Variants in SACS observed in about 807,000 individuals in gnomAD.
SACS encodes the protein sacsin.
A neutral mutation model predicts 348.0 loss-of-function variants in SACS; 197 were observed. The ratio of observed to expected loss-of-function variants is 0.57; its 90% confidence interval spans 0.50 to 0.64. SACS has a LOEUF of 0.64. SACS is among the 30% of genes least tolerant of loss of function. SACS has a pLI of 0.00. For synonymous variants in SACS, 1,985 were observed against 1,910.6 expected (o/e 1.04, Z -1.02); for missense variants, 4,999 against 5,360.8 (o/e 0.93, Z 2.11).
chr13:23,333,406 A>G lies in SACS; in HGVS notation c.10470T>C (p.Tyr3490=), dbSNP rs755590920. The change falls in exon 10 of 10, where the codon TAT becomes TAC. Residue 3490 remains tyrosine, a synonymous_variant. Transcript: ENST00000382292. ...AGATCAAGTGCTCTAATTTTGCATCATAAGAGAGATTTTCAATTTTTGGTA... is the reference window on the plus strand; with the variant it reads ...AGATCAAGTGCTCTAATTTTGCATCGTAAGAGAGATTTTCAATTTTTGGTA... ...HLLPKIENLS[Y]DAKLEHLIYL... 17 of 1,609,200 alleles carry G rather than the reference A, an allele frequency of 1.1e-5. No homozygotes were observed. The highest frequency in any genetic ancestry group is 1.4e-5 in the Non-Finnish European group (16 of 1,178,274).
intron 9 of SACS, among the ~76,000 whole-genome samples, chr13:23,347,112 G>A (rs915121901): frequency 6.6e-6 from 1 of 152,126 alleles, no homozygotes; most frequent in African/African-American, 2.4e-5. Flanking sequence ...CTTCATATGC[G>A]CAAATTACAT....
At chr13:23,421,356 G>T (rs1263221150) in intron 1 of SACS, among the ~76,000 whole-genome samples, 1 of 152,000 alleles carries the variant, frequency 6.6e-6, no homozygotes, top group African/African-American at 2.4e-5. Context: ...CATTTACTTG[G>T]CACCTAGTTT....
At chr13:23,358,593 G>T in intron 6 of SACS, 112 bp from the exon 7 acceptor site, 1 of 1,074,118 alleles carries the variant, frequency 9.3e-7, no homozygotes. Context: ...ATAGAGAGGA[G>T]TGAATAGAGT....
intron 1 of SACS, among the ~76,000 whole-genome samples, chr13:23,411,981 C>T (rs1026371064): frequency 3.9e-5 from 6 of 152,204 alleles, no homozygotes; most frequent in Admixed American, 2.0e-4. Context: ...GTACATCGGC[C>T]GGGCGCGGTG....
chr13:23,374,372 T>G (rs1871608921), intron 3 of SACS, among the ~76,000 whole-genome samples: 1 of 152,244 alleles, frequency 6.6e-6, no homozygotes, highest in South Asian at 2.1e-4. Flanking sequence ...ACCTGAAATG[T>G]CATCCTATAC....
rs886050090 is a variant in SACS at position 23,375,243 on chromosome 13, C to A, written c.47G>T (p.Gly16Val). The A allele has an allele frequency of 6.8e-6, 10 of 1,481,150 alleles. No individual in the cohort carries two copies. The Admixed American group carries it at 1.2e-4, about 17-fold the overall frequency. 91.8% of individuals were successfully genotyped at this position (1,481,150 alleles called of 1,614,324 possible). A position where few individuals can be genotyped will look rare whatever the true frequency, so the allele number is the denominator to read the frequency against. ...CGCGACGGTCCTGCAGCCCACGCAG[C>A]CGGGGAGCACGGTCACCGGGACCCA... ...NRWVPVTVLP[G>V]CVGCRTVAAL... is the part of the protein sequence containing the mutation. The change falls in exon 3 of 10, where the codon GGC becomes GTC. Residue 16 changes from glycine (G) to valine (V), a missense_variant. Physicochemically the swap from Gly to Val is moderately radical, Grantham distance 109. Coordinates refer to ENST00000382292, the MANE Select transcript of SACS (RefSeq NM_014363.6).
Position 23,333,156 on chromosome 13 carries a change from T to C in SACS, c.10720A>G (p.Asn3574Asp), listed in dbSNP as rs1274951632. 2 of 1,611,518 alleles carry C rather than the reference T, an allele frequency of 1.2e-6. No homozygotes were observed. The highest frequency in any genetic ancestry group is 2.2e-5 in the South Asian group (2 of 90,384). ...KKLEQLIKPK[N>D]HVTFMTSWVE... ...CAGGATGTCATAAATGTAACATGAT[T>C]TTTGGGTTTTATAAGTTGTTCCAAT... is the stretch of plus-strand genomic sequence containing the variant. Residue 3574 changes from asparagine to aspartate, a missense_variant, in exon 10 of 10, where the codon AAT becomes GAT. Physicochemically the swap from Asn to Asp is conservative, Grantham distance 23. This residue lies in a region of SACS where 831 missense variants were observed against 941.8 expected (regional missense o/e 0.88). Coordinates refer to ENST00000382292, the MANE Select transcript of SACS (RefSeq NM_014363.6).
rs1399257030 is a variant in SACS, at chr13:23,331,191, T to A, written c.12685A>T (p.Ile4229Phe). The A allele has an allele frequency of 1.2e-6, 2 of 1,613,612 alleles. No individual in the cohort carries two copies. The highest frequency in any genetic ancestry group is 2.2e-5 in the South Asian group (2 of 91,060). The change falls in exon 10 of 10, where the codon ATT becomes TTT. Residue 4229 changes from isoleucine to phenylalanine, a missense_variant. Ile to Phe is a conservative substitution (Grantham distance 21, BLOSUM62 0). Around this residue, in one of 6 missense-constraint regions of SACS, gnomAD observed 831 missense variants for 941.8 expected, o/e 0.88. Coordinates refer to ENST00000382292, the MANE Select transcript of SACS (RefSeq NM_014363.6). ...SFLGKIYQID[I>F]GYSEYKIVSS... ...ACTATTTTATATTCACTATAACCAA[T>A]ATCTATCTGATATATCTTTCCTAGA...
At chr13:23,344,197 TA>T (rs1869455933) in intron 9 of SACS, among the ~76,000 whole-genome samples, 1 of 152,106 alleles carries the variant, frequency 6.6e-6, no homozygotes. Flanking sequence ...GGTTAGAAAT[TA>T]AAATTCAAAA....
rs1013984119 is a variant in SACS at position 23,333,066 on chromosome 13, C to A, written c.10810G>T (p.Ala3604Ser). 3.1e-5 allele frequency: 50 copies of A among 1,613,928 alleles called. No individual in the cohort carries two copies. Among genetic ancestry groups the A allele is most frequent in the Non-Finnish European group, 4.2e-5 (50 of 1,179,872 alleles). Reference sequence around the variant, plus strand: ...TTAGCCCTCACACTGATTTCCTTAGCAAACTGTAACAACTGCTGCTGAGAA... The same window carrying A: ...TTAGCCCTCACACTGATTTCCTTAGAAAACTGTAACAACTGCTGCTGAGAA... ...ILSQQQLLQF[A>S]KEISVRANTE... Residue 3604 changes from alanine to serine, a missense_variant, in exon 10 of 10, where the codon GCT becomes TCT. Physicochemically the swap from Ala to Ser is moderately conservative, Grantham distance 99. Coordinates refer to ENST00000382292, the MANE Select transcript of SACS (RefSeq NM_014363.6).
In SACS at chr13:23,418,565, G is replaced by A. The variant is rs114701449; in HGVS notation, c.-501-6825C>T. On this transcript the variant is annotated intron_variant, in intron 1 of 9. Transcript: ENST00000382292. ...TCTGTCTCTCCAGCTGGAGGGCAGT[G>A]GCTGATCTCTGCTCACTGCAACTTC... 9.5e-3 allele frequency among the ~76,000 whole-genome samples: 1,450 copies of A among 152,196 alleles called. 26 individuals are homozygous for A. Among genetic ancestry groups the A allele is most frequent in the African/African-American group, 0.033 (1,383 of 41,516 alleles).
intron 2 of SACS, among the ~76,000 whole-genome samples, chr13:23,380,212 C>G (rs1452408927): frequency 6.6e-6 from 1 of 151,874 alleles, no homozygotes; most frequent in African/African-American, 2.4e-5. Context: ...TGACTTCCCC[C>G]ACCTCTTTAG....
chr13:23,364,242 G>A (rs1296666283), intron 6 of SACS, among the ~76,000 whole-genome samples: 3 of 152,110 alleles, frequency 2.0e-5, no homozygotes, highest in Non-Finnish European at 4.4e-5. Flanking sequence ...CTTTAAAAAG[G>A]TGTCTCAGAA....
Position 23,336,730 on chromosome 13 carries a change from G to A in SACS, c.7146C>T (p.Phe2382=), listed in dbSNP as rs1427883061. ...CACCCACGGTTTCAAAAAGTTCGCG[G>A]AAATTATTTTTATACTTATTAGGCA... ...YQLPNKYKNN[F]RELFETVGVR... Residue 2382 remains phenylalanine, a synonymous_variant, in exon 10 of 10, where the codon TTC becomes TTT. Transcript: ENST00000382292. The A allele has an allele frequency of 6.2e-7, 1 of 1,613,760 alleles. No homozygotes were observed. Among genetic ancestry groups the A allele is most frequent in the East Asian group, 2.2e-5 (1 of 44,872 alleles).
intron 2 of SACS, among the ~76,000 whole-genome samples, chr13:23,382,544 T>C (rs970662893): frequency 1.3e-5 from 2 of 152,196 alleles, no homozygotes; most frequent in African/African-American, 4.8e-5. Flanking sequence ...ATTATAAAAA[T>C]GGATGTTTCT....
chr13:23,383,285 T>C (rs1025679488), intron 2 of SACS, among the ~76,000 whole-genome samples: 28 of 152,180 alleles, frequency 1.8e-4, no homozygotes, highest in Admixed American at 1.2e-3. Context: ...CCTGTTGGTA[T>C]TGGCACAGCT....
chr13:23,352,308 T>C (rs1870010803), intron 9 of SACS, among the ~76,000 whole-genome samples: 2 of 152,222 alleles, frequency 1.3e-5, no homozygotes, highest in African/African-American at 4.8e-5. Context: ...TGGATGAATC[T>C]CACCAGCATC....
chr13:23,399,025 A>AAAAAAAAAAAC (rs1872837075), intron 2 of SACS, among the ~76,000 whole-genome samples: 1 of 150,120 alleles, frequency 6.7e-6, no homozygotes, highest in Non-Finnish European at 1.5e-5. Flanking sequence ...ATCTCAAAAA[A>AAAAAAAAAAAC]AAAAAAAAAA....
At chr13:23,399,001 C>A (rs1872831919) in intron 2 of SACS, among the ~76,000 whole-genome samples, 1 of 104,422 alleles carries the variant, frequency 9.6e-6, no homozygotes, top group African/African-American at 3.6e-5. Context: ...AGTCTGGTAA[C>A]AGAGTGAGAC....
Sources: gnomAD v4.1 joint callset for allele counts (sites outside exome capture counted in the v4.1 genomes callset) on GRCh38, gnomAD v4.1.1 for gene constraint, gnomAD v4.1.1 regional missense constraint, MANE v1.5 for transcripts, NCBI Gene and HGNC (gene_info 2026-07-23, HGNC 2026-07-21) for gene names.